BNIP2: variants seen among roughly 807,000 people sequenced by gnomAD.
The protein encoded by BNIP2 is BCL2/adenovirus E1B 19 kDa protein-interacting protein 2.
A neutral mutation model predicts 43.4 loss-of-function variants in BNIP2; 36 were observed. The observed-to-expected ratio is 0.83, with a 90% CI of 0.64 to 1.10. The LOEUF (loss-of-function observed/expected upper bound fraction) is 1.10, where lower values mean the gene tolerates loss of function less well. Ranked by LOEUF, BNIP2 falls within the 50% of genes least tolerant of loss-of-function variation. The pLI is 0.00. For missense variants in BNIP2, 417 were observed against 374.1 expected, an observed-to-expected ratio of 1.11 and a Z score of -0.95; for synonymous variants, 146 against 121.0, an observed-to-expected ratio of 1.21 and a Z score of -1.35.
chr15:59,673,571 G>A (rs1213316208), intron 5 of BNIP2, among the ~76,000 whole-genome samples: 4 of 152,156 alleles, frequency 2.6e-5, no homozygotes, highest in African/African-American at 4.8e-5. Flanking sequence ...GGGATACAGC[G>A]CACACAAACA....
intron 9 of BNIP2, among the ~76,000 whole-genome samples, chr15:59,668,552 G>C (rs1161852856): frequency 6.6e-6 from 1 of 152,170 alleles, no homozygotes; most frequent in Non-Finnish European, 1.5e-5. Flanking sequence ...ACTCAAATTT[G>C]TTGAGCACTA....
At position 59,669,268 on chromosome 15, in the gene BNIP2, A is replaced by T; in HGVS notation, c.794+8T>A. 1 of 1,530,480 alleles carries T rather than the reference A, an allele frequency of 6.5e-7. No homozygotes were observed. Among genetic ancestry groups the T allele is most frequent in the Non-Finnish European group, 8.8e-7 (1 of 1,141,940 alleles). The allele number at this position is 1,530,480 out of a possible 1,614,324, so 94.8% of individuals were successfully genotyped here. A position where few individuals can be genotyped will look rare whatever the true frequency, so the allele number is the denominator to read the frequency against. ...ATAAAATTAAAGTCAATGGCTCTCA[A>T]AAATTACCTAATAAATGGTCTTGTA... On this transcript the variant is annotated splice_region_variant and intron_variant, in intron 8 of 9. Coordinates refer to ENST00000607373, the MANE Select transcript of BNIP2 (RefSeq NM_004330.4).
intron 2 of BNIP2, among the ~76,000 whole-genome samples, chr15:59,681,917 G>C (rs1480211725): frequency 6.6e-6 from 1 of 152,118 alleles, no homozygotes; most frequent in Non-Finnish European, 1.5e-5. Flanking sequence ...AAAAATGAAA[G>C]ATTATAGAAG....
At chr15:59,670,491 A>C (rs1892832627) in intron 7 of BNIP2, among the ~76,000 whole-genome samples, 1 of 152,204 alleles carries the variant, frequency 6.6e-6, no homozygotes, top group Non-Finnish European at 1.5e-5. Context: ...GCAAAACTCA[A>C]TGTAATGAAA....
intron 9 of BNIP2, chr15:59,668,251 T>G (rs909074243): frequency 1.3e-5 from 7 of 523,112 alleles, no homozygotes; most frequent in South Asian, 1.2e-4. Context: ...ACCAAAAATA[T>G]TTACTACATG....
rs1555396336 is a variant in BNIP2 at position 59,669,380 on chromosome 15, A to AC, written c.708-19_708-18insG. The AC allele has an allele frequency of 1.7e-4, 232 of 1,389,282 alleles. 1 individual carries two copies. The highest frequency in any genetic ancestry group is 1.4e-3 in the African/African-American group (94 of 67,554). 86.1% of individuals were successfully genotyped at this position (1,389,282 alleles called of 1,614,324 possible). On this transcript the variant is annotated intron_variant, in intron 7 of 9. Coordinates refer to ENST00000607373, the MANE Select transcript of BNIP2 (RefSeq NM_004330.4). ...TCCGTAACCTGGAGTTTAAAAAAAAAACACACACACACAAAGAAAATTAAA... is the reference window on the plus strand; with the variant it reads ...TCCGTAACCTGGAGTTTAAAAAAAAACACACACACACACAAAGAAAATTAAA...
chr15:59,680,801 G>A lies in BNIP2; in HGVS notation c.51-493C>T, dbSNP rs182566156. On this transcript the variant is annotated intron_variant, in intron 2 of 9. Transcript: ENST00000607373. ...TTTAAAAGTTTTTTTGGTAGAGACC[G>A]GATATTGCTATGTTGCCCAGGCTGG... Among the ~76,000 whole-genome samples the A allele has an allele frequency of 1.9e-3, 296 of 152,196 alleles. 3 individuals carry two copies. Among genetic ancestry groups the A allele is most frequent in the East Asian group, 7.7e-4 (4 of 5,162 alleles).
intron 5 of BNIP2, among the ~76,000 whole-genome samples, chr15:59,676,176 T>A (rs1014530551): frequency 6.6e-6 from 1 of 152,050 alleles, no homozygotes; most frequent in African/African-American, 2.4e-5. Flanking sequence ...AAAAATTTTT[T>A]AATTTTGAGA....
intron 5 of BNIP2, among the ~76,000 whole-genome samples, chr15:59,675,855 CA>C (rs1893250055): frequency 6.6e-6 from 1 of 152,072 alleles, no homozygotes; most frequent in Non-Finnish European, 1.5e-5. Flanking sequence ...GAAAAGTAAA[CA>C]AAAGAGTGCA....
At position 59,682,560 on chromosome 15, in the gene BNIP2, T is replaced by C. The variant is rs566308190; in HGVS notation, c.-57-46A>G. The C allele has an allele frequency of 1.2e-5, 18 of 1,477,820 alleles. No individual in the cohort carries two copies. In the African/African-American group the frequency reaches 1.5e-4, roughly 13 times the overall value. 91.5% of individuals were successfully genotyped at this position (1,477,820 alleles called of 1,614,324 possible). A position where few individuals can be genotyped will look rare whatever the true frequency, so the allele number is the denominator to read the frequency against. ...ATAACTTAATTTCCACTTTACTTTT[T>C]ATCCACTGAAAAGGCGTAATAATCT... On this transcript the variant is annotated intron_variant, in intron 1 of 9. Coordinates refer to ENST00000607373, the MANE Select transcript of BNIP2 (RefSeq NM_004330.4).
chr15:59,677,892 A>T lies in BNIP2; in HGVS notation c.472+19T>A, dbSNP rs750332325. ...TGATATTGCATTAAACAATCTGAAA[A>T]ATCCTCAGTAACTCTTACCCCCATG... On this transcript the variant is annotated intron_variant, in intron 5 of 9. Coordinates refer to ENST00000607373, the MANE Select transcript of BNIP2 (RefSeq NM_004330.4). 177 of 1,580,058 alleles carry T rather than the reference A, an allele frequency of 1.1e-4. No homozygotes were observed. The highest frequency in any genetic ancestry group is 1.4e-4 in the Non-Finnish European group (166 of 1,168,910).
chr15:59,668,973 T>A lies in BNIP2; in HGVS notation c.812A>T (p.Lys271Ile). 6.2e-7 allele frequency: 1 copy of A among 1,613,460 alleles called. No individual in the cohort carries two copies. Among genetic ancestry groups the A allele is most frequent in the Non-Finnish European group, 8.5e-7 (1 of 1,179,674 alleles). Reference sequence around the variant, plus strand: ...TGCCAAATTAAACACGTATCTAATTTTTTGGCTGAATTTCGAGCTATGGAA... The same window carrying A: ...TGCCAAATTAAACACGTATCTAATTATTTGGCTGAATTTCGAGCTATGGAA... ...RPFISSKFSQ[K>I]IRYVFNLAEL... Residue 271 changes from lysine to isoleucine, a missense_variant, in exon 9 of 10, where the codon AAA (lysine) becomes ATA (isoleucine). Transcript: ENST00000607373.
chr15:59,669,481 G>C, intron 7 of BNIP2, 119 bp from the exon 8 acceptor site: 1 of 618,554 alleles, frequency 1.6e-6, no homozygotes, highest in Non-Finnish European at 2.7e-6. Context: ...TTCTCAATTA[G>C]GTGTGATACC....
In BNIP2 at chr15:59,689,172, C is replaced by G; in HGVS notation, c.-95G>C. On this transcript the variant is annotated 5_prime_UTR_variant, in exon 1 of 10. Coordinates refer to ENST00000607373, the MANE Select transcript of BNIP2 (RefSeq NM_004330.4). Reference sequence around the variant, plus strand: ...CTTGGCCCCCTCGTCCTCTTCGCCCCTCCAGGCCGGCGACGTGGGGCTGAC... The same window carrying G: ...CTTGGCCCCCTCGTCCTCTTCGCCCGTCCAGGCCGGCGACGTGGGGCTGAC... The G allele has an allele frequency of 6.5e-7, 1 of 1,538,644 alleles. No individual in the cohort carries two copies. The highest frequency in any genetic ancestry group is 8.7e-7 in the Non-Finnish European group (1 of 1,146,490).
In BNIP2 at chr15:59,660,084, A is replaced by G. The variant is rs369296756; in HGVS notation, c.*3985T>C. On this transcript the variant is annotated 3_prime_UTR_variant, in exon 10 of 10. Coordinates refer to ENST00000607373, the MANE Select transcript of BNIP2 (RefSeq NM_004330.4). Reference sequence around the variant, plus strand: ...GTATTAGCTTAGAACATTTGAGTAGATAATACCCCACTTCCCTCACCAGTT... The same window carrying G: ...GTATTAGCTTAGAACATTTGAGTAGGTAATACCCCACTTCCCTCACCAGTT... 4 of 152,178 alleles carry G rather than the reference A, an allele frequency of 2.6e-5. No homozygotes were observed. Among genetic ancestry groups the G allele is most frequent in the Admixed American group, 6.5e-5 (1 of 15,272 alleles). The allele number at this position is 152,178 out of a possible 1,614,324, so 9.4% of individuals were successfully genotyped here.
At chr15:59,669,078 T>C in intron 8 of BNIP2, 88 bp from the exon 9 acceptor site, 4 of 1,274,130 alleles carry the variant, frequency 3.1e-6, no homozygotes, top group Non-Finnish European at 4.4e-6. Flanking sequence ...TCATGTCATT[T>C]TGAATGTTCA....
At position 59,669,706 on chromosome 15, in the gene BNIP2, G is replaced by A. The variant is rs74019664; in HGVS notation, c.708-344C>T. ...ACTATTCTCATTTTCCAAGACTAGG[G>A]AGAAATTGGTGCTAAGTTCTTCAAA... On this transcript the variant is annotated intron_variant, in intron 7 of 9. Transcript: ENST00000607373. Among the ~76,000 whole-genome samples the A allele has an allele frequency of 3.9e-3, 595 of 152,302 alleles. 1 individual carries two copies. The highest frequency in any genetic ancestry group is 0.014 in the African/African-American group (582 of 41,558).
At chr15:59,671,383 G>A (rs1338126160) in intron 6 of BNIP2, 69 bp from the exon 7 acceptor site, 2 of 1,393,292 alleles carry the variant, frequency 1.4e-6, no homozygotes, top group African/African-American at 1.4e-5. Flanking sequence ...TCTCTAAATT[G>A]TACCATTATA....
At position 59,669,483 on chromosome 15, in the gene BNIP2, T is replaced by C. The variant is rs1172002416; in HGVS notation, c.708-121A>G. 4 of 615,180 alleles carry C rather than the reference T, an allele frequency of 6.5e-6. No individual in the cohort carries two copies. The South Asian group carries it at 8.6e-5, about 13-fold the overall frequency. The allele number at this position is 615,180 out of a possible 1,614,324, so 38.1% of individuals were successfully genotyped here. A position where few individuals can be genotyped will look rare whatever the true frequency, so the allele number is the denominator to read the frequency against. On this transcript the variant is annotated intron_variant, in intron 7 of 9. Transcript: ENST00000607373. ...TCTCACCCAAAAGTTCTCAATTAGG[T>C]GTGATACCCCTGTAGACAAGAAAAT... is the stretch of plus-strand genomic sequence containing the variant.
Sources: allele counts gnomAD v4.1 joint callset (sites outside exome capture counted in the v4.1 genomes callset), GRCh38; gene constraint gnomAD v4.1.1; transcripts MANE v1.5; gene names NCBI Gene and HGNC (gene_info 2026-07-23, HGNC 2026-07-21).